The following GRID1 variants were observed in gnomAD, a reference collection of about 807,000 sequenced individuals.
GRID1 encodes glutamate receptor ionotropic, delta-1.
A neutral mutation model predicts 98.0 loss-of-function variants in GRID1; 28 were observed. That is an observed-to-expected ratio of 0.29 (90% CI 0.21 to 0.39). The LOEUF (loss-of-function observed/expected upper bound fraction) is 0.39, where lower values mean the gene tolerates loss of function less well. GRID1 is among the 10% of genes least tolerant of loss of function. GRID1 has a pLI of 1.00. For synonymous variants in GRID1, 553 were observed against 538.5 expected, an observed-to-expected ratio of 1.03 and a Z score of -0.37; for missense variants, 1,111 against 1,340.5, an observed-to-expected ratio of 0.83 and a Z score of 2.67.
intron 15 of GRID1, among the ~76,000 whole-genome samples, chr10:85,612,317 C>T (rs908142412): frequency 3.9e-5 from 6 of 152,176 alleles, no homozygotes; most frequent in Non-Finnish European, 8.8e-5. Flanking sequence ...TGAGAAGAGC[C>T]CGCCGGCTCT....
intron 8 of GRID1, among the ~76,000 whole-genome samples, chr10:85,817,396 T>A (rs1842725295): frequency 6.6e-6 from 1 of 151,964 alleles, no homozygotes; most frequent in South Asian, 2.1e-4. Flanking sequence ...CATGGTGGCA[T>A]GTCCCTATGG....
intron 8 of GRID1, among the ~76,000 whole-genome samples, chr10:85,771,376 T>A (rs1432090446): frequency 1.3e-5 from 2 of 152,074 alleles, no homozygotes; most frequent in African/African-American, 4.8e-5. Flanking sequence ...TCATGCCAAA[T>A]TGTAAAGACC....
At chr10:85,979,167 T>C (rs993553145) in intron 4 of GRID1, among the ~76,000 whole-genome samples, 3 of 152,150 alleles carry the variant, frequency 2.0e-5, no homozygotes, top group Non-Finnish European at 4.4e-5. Flanking sequence ...AGGAAAGCCC[T>C]GCGTGAAACC....
At chr10:86,032,173 T>A (rs969082443) in intron 4 of GRID1, among the ~76,000 whole-genome samples, 15 of 152,196 alleles carry the variant, frequency 9.9e-5, no homozygotes, top group South Asian at 8.3e-4. Flanking sequence ...ATGTAATAGG[T>A]GCTCATTAAA....
intron 4 of GRID1, among the ~76,000 whole-genome samples, chr10:85,974,531 T>C (rs1012502563): frequency 1.3e-5 from 2 of 152,222 alleles, no homozygotes; most frequent in Non-Finnish European, 2.9e-5. Flanking sequence ...AGATTTTATC[T>C]TGTTATCTCT....
At chr10:86,293,248 G>A (rs1431529515) in intron 2 of GRID1, among the ~76,000 whole-genome samples, 1 of 152,102 alleles carries the variant, frequency 6.6e-6, no homozygotes, top group Admixed American at 6.6e-5. Context: ...TGCCATGGCT[G>A]GGGGGCTACA....
intron 4 of GRID1, among the ~76,000 whole-genome samples, chr10:86,110,020 C>T (rs917841228): frequency 2.7e-5 from 4 of 147,806 alleles, no homozygotes; most frequent in Non-Finnish European, 4.4e-5. Context: ...TCACCCAGGC[C>T]GGAGTGCAGT....
At chr10:86,152,077 G>A (rs976632189) in intron 3 of GRID1, among the ~76,000 whole-genome samples, 3 of 152,228 alleles carry the variant, frequency 2.0e-5, no homozygotes, top group Non-Finnish European at 4.4e-5. Flanking sequence ...GGGAGTGCAC[G>A]AGAAGGGGTT....
At chr10:85,866,650 T>C (rs1313251554) in intron 6 of GRID1, among the ~76,000 whole-genome samples, 1 of 152,208 alleles carries the variant, frequency 6.6e-6, no homozygotes, top group Non-Finnish European at 1.5e-5. Context: ...TAGCCAGCTC[T>C]GAACTGAATG....
chr10:85,660,329 T>C (rs905466919), intron 12 of GRID1, among the ~76,000 whole-genome samples: 3 of 152,236 alleles, frequency 2.0e-5, no homozygotes, highest in Admixed American at 1.3e-4. Context: ...ACACTCAGGA[T>C]AACTCTGCCA....
intron 4 of GRID1, among the ~76,000 whole-genome samples, chr10:86,045,392 T>C (rs1402774900): frequency 6.6e-6 from 1 of 152,190 alleles, no homozygotes; most frequent in South Asian, 2.1e-4. Context: ...AAAATGGACA[T>C]ACAATGTGTC....
At chr10:86,222,966 G>C (rs1846281763) in intron 2 of GRID1, among the ~76,000 whole-genome samples, 1 of 152,154 alleles carries the variant, frequency 6.6e-6, no homozygotes, top group African/African-American at 2.4e-5. Flanking sequence ...AGCAAGCTCA[G>C]CTGGGGTCAT....
intron 6 of GRID1, among the ~76,000 whole-genome samples, chr10:85,860,408 T>A (rs1843153697): frequency 6.6e-6 from 1 of 152,114 alleles, no homozygotes; most frequent in African/African-American, 2.4e-5. Context: ...AGGAGAGACC[T>A]GGCTGCAAAG....
rs910221406 is a variant in GRID1 at position 86,086,554 on chromosome 10, G to C, written c.726+52265C>G. On this transcript the variant is annotated intron_variant, in intron 4 of 15. Coordinates refer to ENST00000327946, the MANE Select transcript of GRID1 (RefSeq NM_017551.3). Reference sequence around the variant, plus strand: ...GGACTCAAAGCCACACCTGTCTGAGGGTTCTGCAGAACCCACAGGGGGTTA... The same window carrying C: ...GGACTCAAAGCCACACCTGTCTGAGCGTTCTGCAGAACCCACAGGGGGTTA... Among the ~76,000 whole-genome samples the C allele has an allele frequency of 2.0e-5, 3 of 152,308 alleles. No individual in the cohort carries two copies. In the Middle Eastern group the frequency reaches 0.01, roughly 518 times the overall value.
intron 4 of GRID1, among the ~76,000 whole-genome samples, chr10:85,964,532 C>A (rs1458663549): frequency 2.0e-5 from 3 of 152,096 alleles, no homozygotes; most frequent in African/African-American, 7.2e-5. Flanking sequence ...CAAAAACAAG[C>A]AATGGGGAAA....
At chr10:85,700,528 T>C (rs559170693) in intron 12 of GRID1, among the ~76,000 whole-genome samples, 35 of 152,356 alleles carry the variant, frequency 2.3e-4, no homozygotes, top group Non-Finnish European at 4.7e-4. Flanking sequence ...ATGGGTTTAA[T>C]GATGCATTTC....
intron 3 of GRID1, among the ~76,000 whole-genome samples, chr10:86,165,823 G>A (rs1845390576): frequency 6.6e-6 from 1 of 152,134 alleles, no homozygotes; most frequent in Non-Finnish European, 1.5e-5. Flanking sequence ...CGCTGTGAGT[G>A]GCTGGCAGGA....
chr10:86,148,151 A>G (rs1845113620), intron 3 of GRID1, among the ~76,000 whole-genome samples: 1 of 152,208 alleles, frequency 6.6e-6, no homozygotes, highest in Non-Finnish European at 1.5e-5. Flanking sequence ...AAATCATAAT[A>G]AAGCCTGTAT....
At chr10:85,663,560 C>T (rs1840989159) in intron 12 of GRID1, among the ~76,000 whole-genome samples, 1 of 152,134 alleles carries the variant, frequency 6.6e-6, no homozygotes, top group Admixed American at 6.5e-5. Context: ...TAATACAGCC[C>T]CCATGTGCCC....
Sources: gnomAD v4.1 joint callset for allele counts (sites outside exome capture counted in the v4.1 genomes callset) on GRCh38, gnomAD v4.1.1 for gene constraint, MANE v1.5 for transcripts, NCBI Gene and HGNC (gene_info 2026-07-23, HGNC 2026-07-21) for gene names.